SRGAP3: variants seen among roughly 807,000 people sequenced by gnomAD.
SRGAP3 encodes SLIT-ROBO Rho GTPase-activating protein 3.
A neutral mutation model predicts 121.1 loss-of-function variants in SRGAP3; 39 were observed. The observed-to-expected ratio is 0.32, with a 90% CI of 0.25 to 0.42. The LOEUF is 0.42. Ranked by LOEUF, SRGAP3 falls within the 10% of genes least tolerant of loss-of-function variation. The pLI is 1.00. For missense variants in SRGAP3, 1,213 were observed against 1,470.6 expected, an observed-to-expected ratio of 0.82 and a Z score of 2.86; for synonymous variants, 601 against 570.0, an observed-to-expected ratio of 1.05 and a Z score of -0.77.
intron 1 of SRGAP3, among the ~76,000 whole-genome samples, chr3:9,200,009 G>A (rs761194718): frequency 5.9e-5 from 9 of 152,226 alleles, no homozygotes; most frequent in African/African-American, 1.4e-4. Flanking sequence ...CTGTCAGGCC[G>A]TAGGTTGGCT....
chr3:9,180,376 G>T (rs1361792718), intron 1 of SRGAP3, among the ~76,000 whole-genome samples: 4 of 152,232 alleles, frequency 2.6e-5, no homozygotes, highest in Admixed American at 2.6e-4. Flanking sequence ...CACAGGAAGT[G>T]AGGCTAGGAG....
intron 4 of SRGAP3, among the ~76,000 whole-genome samples, chr3:9,067,133 T>TACC (rs200191314): frequency 5.3e-5 from 8 of 152,132 alleles, no homozygotes; most frequent in African/African-American, 1.7e-4. Context: ...TATCAGATGC[T>TACC]ACCACCACCA....
chr3:9,072,106 A>G (rs528049290), intron 4 of SRGAP3, among the ~76,000 whole-genome samples: 2 of 152,144 alleles, frequency 1.3e-5, no homozygotes, highest in Non-Finnish European at 2.9e-5. Context: ...CCAACTACCC[A>G]TATCAGTCCT....
intron 3 of SRGAP3, among the ~76,000 whole-genome samples, chr3:9,103,062 T>C (rs1313702804): frequency 6.6e-6 from 1 of 152,228 alleles, no homozygotes; most frequent in East Asian, 1.9e-4. Context: ...TGTTTGCTTA[T>C]GCAATATGAA....
intron 1 of SRGAP3, among the ~76,000 whole-genome samples, chr3:9,125,704 T>G (rs1949198030): frequency 6.6e-6 from 1 of 152,240 alleles, no homozygotes; most frequent in Non-Finnish European, 1.5e-5. Context: ...ATTCTTGTCT[T>G]CAAGCCTGTA....
At chr3:9,288,816 T>C in intron 3 of SRGAP3, among the ~76,000 whole-genome samples, 1 of 152,126 alleles carries the variant, frequency 6.6e-6, no homozygotes, top group Non-Finnish European at 1.5e-5. Context: ...GCTCAAGTGA[T>C]TCTCTTACCT....
intron 5 of SRGAP3, among the ~76,000 whole-genome samples, 168 bp downstream of exon 5, chr3:9,064,228 G>A (rs992427657): frequency 3.9e-5 from 6 of 152,176 alleles, no homozygotes; most frequent in African/African-American, 1.2e-4. Context: ...CTAGGACACC[G>A]ATCTCCAAAA....
At chr3:9,077,542 G>C (rs1007064271) in intron 4 of SRGAP3, among the ~76,000 whole-genome samples, 1 of 152,214 alleles carries the variant, frequency 6.6e-6, no homozygotes, top group Admixed American at 6.5e-5. Context: ...CCAAAGGAGA[G>C]AGCTAGGACC....
intron 1 of SRGAP3, among the ~76,000 whole-genome samples, chr3:9,160,207 T>C (rs1244003916): frequency 1.3e-5 from 2 of 152,214 alleles, no homozygotes; most frequent in Non-Finnish European, 2.9e-5. Flanking sequence ...TTTATAATAC[T>C]ACCATAAATT....
At chr3:9,029,148 G>T (rs1944356873) in intron 12 of SRGAP3, among the ~76,000 whole-genome samples, 1 of 152,164 alleles carries the variant, frequency 6.6e-6, no homozygotes, top group Non-Finnish European at 1.5e-5. Context: ...GGTCGAACAG[G>T]CTGTATGAGC....
chr3:9,195,301 T>C, intron 1 of SRGAP3, among the ~76,000 whole-genome samples: 1 of 152,246 alleles, frequency 6.6e-6, no homozygotes, highest in South Asian at 2.1e-4. Context: ...CATGATTTAA[T>C]TGTTAATAGT....
chr3:9,311,597 A>T (rs1955248845), intron 3 of SRGAP3, among the ~76,000 whole-genome samples: 1 of 152,248 alleles, frequency 6.6e-6, no homozygotes, highest in Non-Finnish European at 1.5e-5. Context: ...TATGGACACT[A>T]AAATCTGAAT....
chr3:9,307,461 G>A (rs1330458418), intron 3 of SRGAP3, among the ~76,000 whole-genome samples: 1 of 152,210 alleles, frequency 6.6e-6, no homozygotes, highest in Non-Finnish European at 1.5e-5. Flanking sequence ...ACTGAACAAT[G>A]GGAGGGAGAG....
chr3:9,332,518 A>C (rs926332880), intron 1 of SRGAP3, among the ~76,000 whole-genome samples: 1 of 152,188 alleles, frequency 6.6e-6, no homozygotes, highest in African/African-American at 2.4e-5. Flanking sequence ...TTCCAAATGG[A>C]CCAAAGGTTT....
At chr3:9,153,737 T>G (rs533840934) in intron 1 of SRGAP3, among the ~76,000 whole-genome samples, 2 of 140,342 alleles carry the variant, frequency 1.4e-5, no homozygotes, top group East Asian at 4.0e-4. Context: ...TCTTGCTATA[T>G]GTACTCTAAT....
intron 1 of SRGAP3, among the ~76,000 whole-genome samples, chr3:9,183,620 C>G (rs1053183210): frequency 6.6e-6 from 1 of 152,124 alleles, no homozygotes; most frequent in African/African-American, 2.4e-5. Context: ...TTACATACCT[C>G]TAGAATATTT....
chr3:9,003,408 G>A (rs1304958242), intron 18 of SRGAP3, among the ~76,000 whole-genome samples: 1 of 152,140 alleles, frequency 6.6e-6, no homozygotes, highest in Non-Finnish European at 1.5e-5. Flanking sequence ...GAACCCAGGA[G>A]GCAGAGGTTG....
chr3:9,079,028 T>C (rs2125260621), intron 4 of SRGAP3, among the ~76,000 whole-genome samples: 1 of 152,238 alleles, frequency 6.6e-6, no homozygotes, highest in South Asian at 2.1e-4. Flanking sequence ...CTGAGGAATT[T>C]ACCACCTGCT....
chr3:9,090,407 A>AC (rs58453671), intron 3 of SRGAP3, among the ~76,000 whole-genome samples: 2 of 62,732 alleles, frequency 3.2e-5, no homozygotes, highest in Non-Finnish European at 1.0e-4. Context: ...TTCTTTGCAC[A>AC]AAAAAAAAAA....
Sources: gnomAD v4.1 joint callset for allele counts (sites outside exome capture counted in the v4.1 genomes callset) on GRCh38, gnomAD v4.1.1 for gene constraint, MANE v1.5 for transcripts, NCBI Gene and HGNC (gene_info 2026-07-23, HGNC 2026-07-21) for gene names.